The following ZNF208 variants were observed in gnomAD, a reference collection of about 807,000 sequenced individuals.
The protein encoded by ZNF208 is zinc finger protein 208, also known as zinc finger protein 95.
ZNF208 carries 10 observed loss-of-function variants against 12.1 expected under a neutral mutation model. The ratio of observed to expected loss-of-function variants is 0.83; its 90% CI spans 0.51 to 1.40. The LOEUF (loss-of-function observed/expected upper bound fraction) is 1.40, where lower values mean the gene tolerates loss of function less well. Among genes scored for constraint, ZNF208 ranks in the 40% most tolerant of loss-of-function variants. The probability of loss-of-function intolerance (pLI) is 0.00; values close to 1 mark genes in which losing one functional copy is unlikely to be tolerated. For missense variants in ZNF208, 1,652 were observed against 1,485.0 expected, an observed-to-expected ratio of 1.11 and a Z score of -1.85; for synonymous variants, 497 against 488.4, an observed-to-expected ratio of 1.02 and a Z score of -0.23.
At chr19:21,982,318 A>T (rs1970555711) in intron 3 of ZNF208, among the ~76,000 whole-genome samples, 1 of 146,448 alleles carries the variant, frequency 6.8e-6, no homozygotes, top group African/African-American at 2.5e-5. Context: ...AGATCGCACC[A>T]CTGCACTTCA....
chr19:21,983,802 G>A (rs1970587139), intron 3 of ZNF208, among the ~76,000 whole-genome samples: 1 of 152,158 alleles, frequency 6.6e-6, no homozygotes, highest in Non-Finnish European at 1.5e-5. Context: ...AGTTAACAAT[G>A]AGAACACAGG....
At chr19:21,948,445 C>A (rs1389759401) in intron 4 of ZNF208, among the ~76,000 whole-genome samples, 1 of 152,170 alleles carries the variant, frequency 6.6e-6, no homozygotes, top group African/African-American at 2.4e-5. Flanking sequence ...CCTTGGGGAA[C>A]CCTAAATGCA....
At chr19:21,985,858 C>A (rs148782339) in intron 3 of ZNF208, among the ~76,000 whole-genome samples, 75 of 152,352 alleles carry the variant, frequency 4.9e-4, no homozygotes, top group African/African-American at 1.7e-3. Flanking sequence ...TACTAATCCA[C>A]ATCCTATTAT....
At position 21,953,095 on chromosome 19, in the gene ZNF208, A is replaced by T. The variant is rs140692670; in HGVS notation, c.306-19858T>A. ...TTGAAGATCAAATTAATGAAATAAA[A>T]TGAGAAGACAAGCTTAGAGAAAAAG... On this transcript the variant is annotated intron_variant, in intron 4 of 4. Transcript: ENST00000599916. Among the ~76,000 whole-genome samples the T allele has an allele frequency of 5.6e-3, 851 of 152,298 alleles. 1 individual carries two copies. Among genetic ancestry groups the T allele is most frequent in the African/African-American group, 0.019 (796 of 41,562 alleles).
chr19:21,973,415 A>G lies in ZNF208; in HGVS notation c.1619T>C (p.Leu540Pro), dbSNP rs1322989802. 2 of 1,612,040 alleles carry G rather than the reference A, an allele frequency of 1.2e-6. No individual in the cohort carries two copies. The highest frequency in any genetic ancestry group is 2.7e-5 in the African/African-American group (2 of 74,672). Residue 540 changes from leucine to proline, a missense_variant, in exon 4 of 4, where the codon CTT (leucine) becomes CCT (proline). By Grantham distance (98) the Leu-to-Pro change is moderately conservative (BLOSUM62 -3). Transcript: ENST00000397126. ...CGKSFSTFSI[L>P]TKHKVIHTGE... ...AGTATGAATTACCTTATGTTTAGTA[A>G]GGATTGAGAATGTACTGAAGCTTTT...
At chr19:21,978,838 A>C (rs1378343134) in intron 3 of ZNF208, among the ~76,000 whole-genome samples, 1 of 152,218 alleles carries the variant, frequency 6.6e-6, no homozygotes, top group Non-Finnish European at 1.5e-5. Flanking sequence ...CCTTGAAAAA[A>C]GGTTAGATGA....
chr19:21,961,060 T>C (rs1469705479), intron 4 of ZNF208, among the ~76,000 whole-genome samples: 1 of 152,212 alleles, frequency 6.6e-6, no homozygotes, highest in Non-Finnish European at 1.5e-5. Flanking sequence ...CACCACTCCT[T>C]TTGTAGATGT....
intron 4 of ZNF208, among the ~76,000 whole-genome samples, chr19:21,948,795 A>AC (rs369476778): frequency 1.5e-4 from 23 of 151,550 alleles, no homozygotes; most frequent in African/African-American, 5.6e-4. Flanking sequence ...CAGCAAAAAA[A>AC]CTCAAAAAAA....
chr19:21,950,741 C>T (rs555210067), intron 4 of ZNF208, among the ~76,000 whole-genome samples: 12 of 152,006 alleles, frequency 7.9e-5, no homozygotes, highest in South Asian at 4.2e-4. Flanking sequence ...GTGATCCACC[C>T]GCCTCAGCCT....
At chr19:21,943,995 A>T (rs1969781663) in intron 4 of ZNF208, among the ~76,000 whole-genome samples, 1 of 152,232 alleles carries the variant, frequency 6.6e-6, no homozygotes, top group African/African-American at 2.4e-5. Context: ...CCATAGACAA[A>T]CTAAGACTTA....
downstream of ZNF208, among the ~76,000 whole-genome samples, chr19:21,964,178 G>T (rs1426079568): frequency 6.6e-6 from 1 of 151,784 alleles, no homozygotes; most frequent in African/African-American, 2.4e-5. Flanking sequence ...TAAGATTTAA[G>T]ATATTGCACC....
At chr19:21,975,660 A>G (rs1970416255) in intron 3 of ZNF208, among the ~76,000 whole-genome samples, 1 of 152,036 alleles carries the variant, frequency 6.6e-6, no homozygotes, top group African/African-American at 2.4e-5. Flanking sequence ...CCCATTAGCA[A>G]TGGATATACT....
rs192588574 is a variant in ZNF208, at chr19:21,973,353, C to T, written c.1681G>A (p.Ala561Thr). Residue 561 changes from alanine to threonine, a missense_variant, in exon 4 of 4, where the codon GCC (alanine) becomes ACC (threonine). Physicochemically the swap from Ala to Thr is moderately conservative, Grantham distance 58 (BLOSUM62 0). This residue lies in a region of ZNF208 where 1,239 missense variants were observed against 1,086.2 expected (regional missense o/e 1.14). Transcript: ENST00000397126. ...CTAAGGGTTGAGGACCACTTATAGG[C>T]TTTGCCACATTCTTCACATTTGTAG... is the stretch of plus-strand genomic sequence containing the variant. ...KPYKCEECGK[A>T]YKWSSTLSYH... is the part of the protein sequence containing the mutation. The T allele has an allele frequency of 2.1e-4, 337 of 1,610,132 alleles. 5 individuals carry two copies. The African/African-American group carries it at 3.9e-3, about 18-fold the overall frequency.
chr19:21,976,972 A>G (rs541978433), intron 3 of ZNF208, among the ~76,000 whole-genome samples: 45 of 152,364 alleles, frequency 3.0e-4, no homozygotes, highest in African/African-American at 9.9e-4. Flanking sequence ...TTTCATGCAA[A>G]TATTAATCAA....
intron 3 of ZNF208, among the ~76,000 whole-genome samples, chr19:21,980,308 C>G (rs938318939): frequency 2.8e-5 from 4 of 143,888 alleles, no homozygotes; most frequent in Admixed American, 7.1e-5. Flanking sequence ...AAATTGACAA[C>G]ATACTTGGAA....
In ZNF208 at chr19:21,969,434, G is replaced by T. The variant is rs539082171; in HGVS notation, c.*1757C>A. Among the ~76,000 whole-genome samples the T allele has an allele frequency of 6.6e-6, 1 of 152,240 alleles. No individual in the cohort carries two copies. Among genetic ancestry groups the T allele is most frequent in the African/African-American group, 2.4e-5 (1 of 41,556 alleles). On this transcript the variant is annotated 3_prime_UTR_variant, in exon 4 of 4. Transcript: ENST00000397126. ...CCTATACTCAGCAGTCTGATTTAGT[G>T]TAATATCTGAAGTTTGAGTGACAGG...
At chr19:21,953,104 C>G (rs1224026611) in intron 4 of ZNF208, among the ~76,000 whole-genome samples, 1 of 152,016 alleles carries the variant, frequency 6.6e-6, no homozygotes, top group Non-Finnish European at 1.5e-5. Context: ...AATGAGAAGA[C>G]AAGCTTAGAG....
At position 21,956,368 on chromosome 19, in the gene ZNF208, C is replaced by G. The variant is rs187824736; in HGVS notation, c.305+18361G>C. On this transcript the variant is annotated intron_variant, in intron 4 of 4. Coordinates refer to the ZNF208 transcript ENST00000599916. ...GAACCACTACTCTCTTCAAAGCTGTCAGACAGGGACATTTAAGTCTGCAGA... is the reference window on the plus strand; with the variant it reads ...GAACCACTACTCTCTTCAAAGCTGTGAGACAGGGACATTTAAGTCTGCAGA... 5.6e-3 allele frequency among the ~76,000 whole-genome samples: 854 copies of G among 152,332 alleles called. 1 individual carries two copies. The highest frequency in any genetic ancestry group is 0.019 in the African/African-American group (798 of 41,570).
At chr19:21,949,706 G>A (rs2666448) in intron 4 of ZNF208, among the ~76,000 whole-genome samples, 83,013 of 151,992 alleles carry the variant, frequency 0.55, 22,990 homozygotes, top group East Asian at 0.69. Flanking sequence ...GACCCTGGGA[G>A]TTTTAACTAA....
Sources: gnomAD v4.1 joint callset for allele counts (sites outside exome capture counted in the v4.1 genomes callset) on GRCh38, gnomAD v4.1.1 for gene constraint, gnomAD v4.1.1 regional missense constraint, MANE v1.5 for transcripts, NCBI Gene and HGNC (gene_info 2026-07-23, HGNC 2026-07-21) for gene names.